The following FSTL5 variants were observed in gnomAD, a reference collection of about 807,000 sequenced individuals.
The protein encoded by FSTL5 is follistatin-related protein 5.
A neutral mutation model predicts 89.1 loss-of-function variants in FSTL5; 62 were observed. That is an observed-to-expected ratio of 0.70 (90% CI 0.57 to 0.86). The LOEUF is 0.86. Among genes scored for constraint, FSTL5 ranks in the 40% least tolerant of loss-of-function variants. The pLI is 0.00. For synonymous variants in FSTL5, 383 were observed against 346.2 expected (o/e 1.11, Z -1.18); for missense variants, 1,057 against 1,001.6 (o/e 1.06, Z -0.75).
intron 15 of FSTL5, among the ~76,000 whole-genome samples, chr4:161,418,699 T>G (rs542725074): frequency 1.8e-4 from 27 of 152,310 alleles, no homozygotes; most frequent in Middle Eastern, 6.8e-3. Flanking sequence ...AAACTGGGTT[T>G]ATGTCATTAG....
intron 15 of FSTL5, among the ~76,000 whole-genome samples, chr4:161,409,987 C>T (rs530063694): frequency 9.2e-5 from 14 of 152,272 alleles, no homozygotes; most frequent in African/African-American, 3.4e-4. Flanking sequence ...CCTCAAGAGA[C>T]CGATTTCACA....
chr4:161,531,352 T>C (rs895362933), intron 10 of FSTL5, among the ~76,000 whole-genome samples: 6 of 152,154 alleles, frequency 3.9e-5, no homozygotes, highest in African/African-American at 1.4e-4. Context: ...TTGATACTAC[T>C]ATGAGCTCTC....
intron 3 of FSTL5, among the ~76,000 whole-genome samples, chr4:161,947,258 T>C (rs887502315): frequency 5.0e-5 from 2 of 39,646 alleles, no homozygotes; most frequent in Non-Finnish European, 1.9e-4. Context: ...TAAAGTTCTA[T>C]CTATCTTTTA....
At position 161,999,665 on chromosome 4, in the gene FSTL5, G is replaced by A. The variant is rs952154634; in HGVS notation, c.160+33960C>T. Among the ~76,000 whole-genome samples, 176 of 152,176 alleles carry A rather than the reference G, an allele frequency of 1.2e-3. 1 individual carries two copies. Among genetic ancestry groups the A allele is most frequent in the African/African-American group, 3.8e-3 (159 of 41,518 alleles). ...CATTTAAATAAGACAGTTTGATGTG[G>A]CTAAATTGTCACCATGATAGCCAAT... is the stretch of plus-strand genomic sequence containing the variant. On this transcript the variant is annotated intron_variant, in intron 3 of 15. Coordinates refer to ENST00000306100, the MANE Select transcript of FSTL5 (RefSeq NM_020116.5).
At chr4:161,832,983 T>C (rs1730898904) in intron 4 of FSTL5, among the ~76,000 whole-genome samples, 1 of 150,518 alleles carries the variant, frequency 6.6e-6, no homozygotes. Context: ...AGGGTGTCAA[T>C]TTTGGATCTT....
rs983967002 is a variant in FSTL5 at position 161,402,679 on chromosome 4, C to T, written c.1842-16230G>A. Among the ~76,000 whole-genome samples, 18 of 152,292 alleles carry T rather than the reference C, an allele frequency of 1.2e-4. 1 individual carries two copies. The South Asian group carries it at 3.7e-3, about 32-fold the overall frequency. ...GCTATCACTTTTATAGCAATTGCAA[C>T]ACCTTTTATAGAGCTTTGAAGATGT... On this transcript the variant is annotated intron_variant, in intron 15 of 15. Transcript: ENST00000306100.
intron 5 of FSTL5, among the ~76,000 whole-genome samples, chr4:161,772,837 A>G (rs1272803262): frequency 6.6e-6 from 1 of 152,148 alleles, no homozygotes; most frequent in Admixed American, 6.6e-5. Flanking sequence ...CAGAACTGGA[A>G]AAAACAATCC....
At chr4:161,534,422 T>C (rs1456006436) in intron 10 of FSTL5, among the ~76,000 whole-genome samples, 2 of 152,120 alleles carry the variant, frequency 1.3e-5, no homozygotes, top group Non-Finnish European at 2.9e-5. Flanking sequence ...AACATTTCTA[T>C]ATACCAATTC....
intron 4 of FSTL5, among the ~76,000 whole-genome samples, chr4:161,877,767 A>G (rs1489514541): frequency 6.6e-6 from 1 of 151,856 alleles, no homozygotes; most frequent in African/African-American, 2.4e-5. Context: ...CGGAGCTTGC[A>G]GTGAGCCGAG....
At chr4:161,436,985 A>C (rs1261965655) in intron 15 of FSTL5, among the ~76,000 whole-genome samples, 1 of 152,226 alleles carries the variant, frequency 6.6e-6, no homozygotes, top group African/African-American at 2.4e-5. Context: ...CAATGATTGT[A>C]ATTTTGTTAT....
chr4:161,724,172 A>G (rs1739314070), intron 6 of FSTL5, among the ~76,000 whole-genome samples: 1 of 152,122 alleles, frequency 6.6e-6, no homozygotes, highest in Non-Finnish European at 1.5e-5. Flanking sequence ...AATTACAAAA[A>G]TGTTTCTGAA....
intron 12 of FSTL5, among the ~76,000 whole-genome samples, chr4:161,483,472 T>C (rs973806407): frequency 9.9e-5 from 15 of 152,172 alleles, no homozygotes; most frequent in Admixed American, 7.2e-4. Context: ...AACAGTAAAA[T>C]AAACTGCTCT....
At chr4:161,883,991 G>A (rs1732718223) in intron 4 of FSTL5, among the ~76,000 whole-genome samples, 1 of 152,066 alleles carries the variant, frequency 6.6e-6, no homozygotes, top group African/African-American at 2.4e-5. Flanking sequence ...GTTATGCTTA[G>A]CGGTCAGAAT....
At chr4:161,604,986 G>A (rs1184627007) in intron 7 of FSTL5, among the ~76,000 whole-genome samples, 1 of 152,160 alleles carries the variant, frequency 6.6e-6, no homozygotes, top group Non-Finnish European at 1.5e-5. Context: ...AGAGGATAGA[G>A]GCAATGCATT....
Position 161,749,276 on chromosome 4 carries a change from C to T in FSTL5, c.727+10135G>A, listed in dbSNP as rs189559491. ...CACAATAGCAAAGTCATGGAGTCAA[C>T]CTGAATGTCCTCCAATGGTTGACTG... On this transcript the variant is annotated intron_variant, in intron 6 of 15. Coordinates refer to ENST00000306100, the MANE Select transcript of FSTL5 (RefSeq NM_020116.5). Among the ~76,000 whole-genome samples, 452 of 152,214 alleles carry T rather than the reference C, an allele frequency of 3.0e-3. 5 individuals carry two copies. Among genetic ancestry groups the T allele is most frequent in the African/African-American group, 0.01 (416 of 41,534 alleles).
intron 3 of FSTL5, among the ~76,000 whole-genome samples, chr4:161,946,409 CATT>C (rs1734735517): frequency 6.6e-6 from 1 of 152,138 alleles, no homozygotes; most frequent in South Asian, 2.1e-4. Context: ...TTATGTTTGC[CATT>C]ATACTGAAAG....
At chr4:161,480,224 C>T (rs748619234) in intron 13 of FSTL5, among the ~76,000 whole-genome samples, 2 of 152,192 alleles carry the variant, frequency 1.3e-5, no homozygotes, top group African/African-American at 2.4e-5. Flanking sequence ...ATGCATTATT[C>T]ATCTAATTCT....
intron 7 of FSTL5, among the ~76,000 whole-genome samples, chr4:161,613,798 A>T (rs1212061059): frequency 6.6e-6 from 1 of 152,202 alleles, no homozygotes; most frequent in African/African-American, 2.4e-5. Flanking sequence ...GACTAAATTT[A>T]TAATTATATG....
intron 6 of FSTL5, among the ~76,000 whole-genome samples, chr4:161,657,400 C>T (rs967122134): frequency 2.0e-5 from 3 of 152,138 alleles, no homozygotes; most frequent in Non-Finnish European, 4.4e-5. Flanking sequence ...GTCTTGACCA[C>T]GTTAGAAATA....
Sources: gnomAD v4.1 joint callset for allele counts (sites outside exome capture counted in the v4.1 genomes callset) on GRCh38, gnomAD v4.1.1 for gene constraint, MANE v1.5 for transcripts, NCBI Gene and HGNC (gene_info 2026-07-23, HGNC 2026-07-21) for gene names.